The following CNOT1 variants were observed in gnomAD, a reference collection of about 807,000 sequenced individuals.
The protein encoded by CNOT1 is CCR4-NOT transcription complex subunit 1, also known as CCR4-associated factor 1.
In CNOT1, 15 loss-of-function variants were observed where a neutral mutation model predicts 273.8. The ratio of observed to expected loss-of-function variants is 0.05; its 90% confidence interval spans 0.04 to 0.08. The LOEUF is 0.08. CNOT1 is among the 10% of genes least tolerant of loss of function. CNOT1 has a pLI of 1.00. For synonymous variants in CNOT1, 1,022 were observed against 1,005.5 expected, an observed-to-expected ratio of 1.02 and a Z score of -0.31; for missense variants, 1,644 against 2,912.2, an observed-to-expected ratio of 0.56 and a Z score of 10.02.
At chr16:58,614,696 G>A (rs2043015102) in intron 1 of CNOT1, among the ~76,000 whole-genome samples, 1 of 125,172 alleles carries the variant, frequency 8.0e-6, no homozygotes. Context: ...CTTTGCTATA[G>A]AAAAACACTT....
intron 8 of CNOT1, among the ~76,000 whole-genome samples, chr16:58,585,050 A>G (rs1452813784): frequency 6.6e-6 from 1 of 152,192 alleles, no homozygotes; most frequent in Non-Finnish European, 1.5e-5. Flanking sequence ...AACTTGCTTC[A>G]ATGCTCTCTC....
chr16:58,612,787 A>G (rs986675621), intron 1 of CNOT1, among the ~76,000 whole-genome samples: 1 of 152,182 alleles, frequency 6.6e-6, no homozygotes, highest in Admixed American at 6.5e-5. Context: ...CCAAGAGGCA[A>G]AGATTCTAGA....
At chr16:58,554,938 A>AAG (rs72537186) in intron 21 of CNOT1, among the ~76,000 whole-genome samples, 4 of 146,618 alleles carry the variant, frequency 2.7e-5, no homozygotes, top group African/African-American at 1.0e-4. Context: ...TCCATCTCAA[A>AAG]AAAAAAAAAA....
At chr16:58,582,115 T>TCTCCAA (rs2041677866) in intron 10 of CNOT1, among the ~76,000 whole-genome samples, 1 of 54,694 alleles carries the variant, frequency 1.8e-5, no homozygotes, top group Non-Finnish European at 4.2e-5. Context: ...CTGTCTCTAC[T>TCTCCAA]AAAAATACAA....
chr16:58,608,441 G>A (rs764093770), intron 1 of CNOT1, among the ~76,000 whole-genome samples: 5 of 151,644 alleles, frequency 3.3e-5, no homozygotes, highest in Non-Finnish European at 7.4e-5. Flanking sequence ...TGTAATACCA[G>A]CTACTCGGGA....
intron 1 of CNOT1, among the ~76,000 whole-genome samples, chr16:58,603,473 G>T (rs1483110849): frequency 1.3e-5 from 2 of 148,526 alleles, no homozygotes; most frequent in Admixed American, 1.4e-4. Flanking sequence ...CTAAAACTCA[G>T]ATATGTCATC....
intron 16 of CNOT1, among the ~76,000 whole-genome samples, chr16:58,573,992 T>C (rs764193314): frequency 1.1e-4 from 16 of 152,044 alleles, no homozygotes; most frequent in Non-Finnish European, 2.4e-4. Flanking sequence ...GACTCACACC[T>C]GTAATCCCAG....
In CNOT1 at chr16:58,625,275, G is replaced by C. The variant is rs187675632; in HGVS notation, c.-175+4453C>G. Among the ~76,000 whole-genome samples, 90 of 152,236 alleles carry C rather than the reference G, an allele frequency of 5.9e-4. 1 individual carries two copies. Among genetic ancestry groups the C allele is most frequent in the Non-Finnish European group, 1.0e-3 (71 of 68,016 alleles). ...CGCCTGTAATCACAGCACTTTGGGA[G>C]GCCGAGGCAGGTGGATCACCTGAGG... On this transcript the variant is annotated intron_variant, in intron 1 of 48. Coordinates refer to ENST00000317147, the MANE Select transcript of CNOT1 (RefSeq NM_016284.5).
At chr16:58,525,110 A>C (rs2039543377) in intron 46 of CNOT1, 69 bp downstream of exon 46, 28 of 1,449,140 alleles carry the variant, frequency 1.9e-5, no homozygotes, top group Non-Finnish European at 2.6e-5. Flanking sequence ...GCATTTTTAC[A>C]TTTTTGTGAT....
intron 19 of CNOT1, 57 bp from the exon 20 acceptor site, chr16:58,555,965 T>A: frequency 6.3e-7 from 1 of 1,595,020 alleles, no homozygotes; most frequent in South Asian, 1.1e-5. Context: ...CACTTCCCCA[T>A]AAAACACAGC....
At chr16:58,556,068 A>C (rs368571941) in intron 19 of CNOT1, among the ~76,000 whole-genome samples, 160 bp from the exon 20 acceptor site, 14 of 152,234 alleles carry the variant, frequency 9.2e-5, no homozygotes, top group African/African-American at 2.7e-4. Flanking sequence ...AATGTGTGCT[A>C]GGGTAGACGT....
chr16:58,590,387 T>C (rs2042012395), intron 2 of CNOT1, among the ~76,000 whole-genome samples: 1 of 152,184 alleles, frequency 6.6e-6, no homozygotes, highest in Non-Finnish European at 1.5e-5. Flanking sequence ...TATTTCAGTT[T>C]CCCTTCTCTT....
chr16:58,593,151 G>A (rs937517445), intron 2 of CNOT1, among the ~76,000 whole-genome samples: 20 of 152,124 alleles, frequency 1.3e-4, no homozygotes, highest in African/African-American at 2.9e-4. Flanking sequence ...GGCCAGGCGC[G>A]GTGGCTGATG....
Position 58,574,748 on chromosome 16 carries a change from G to C in CNOT1, c.1840C>G (p.Gln614Glu), listed in dbSNP as rs758397152. 1.3e-6 allele frequency: 2 copies of C among 1,594,030 alleles called. No homozygotes were observed. Among genetic ancestry groups the C allele is most frequent in the Non-Finnish European group, 8.5e-7 (1 of 1,175,848 alleles). Residue 614 changes from glutamine (Q) to glutamate (E), a missense_variant, in exon 16 of 49, where the codon CAG (glutamine) becomes GAG (glutamate). By Grantham distance (29) the Gln-to-Glu change is conservative (BLOSUM62 2). Transcript: ENST00000317147. ...CTCTTTAAAAAAGTCATACACGCCT[G>C]GATAAAAGGCTCCTGAAGAATAGAA... Reference protein sequence around the residue: ...KIREHGEPFIQACMTFLKRRC... With the variant: ...KIREHGEPFIEACMTFLKRRC...
intron 2 of CNOT1, among the ~76,000 whole-genome samples, chr16:58,598,164 C>T (rs370536162): frequency 1.3e-5 from 2 of 151,644 alleles, no homozygotes; most frequent in Non-Finnish European, 2.9e-5. Flanking sequence ...TTTGGGAGGC[C>T]GAGGCAGGCA....
intron 18 of CNOT1, 73 bp downstream of exon 18, chr16:58,558,400 C>A: frequency 6.3e-7 from 1 of 1,590,494 alleles, no homozygotes; most frequent in Non-Finnish European, 8.6e-7. Context: ...GACTCCAAAC[C>A]CCTTACCAAA....
At chr16:58,536,924 AAT>A in intron 39 of CNOT1, 63 bp downstream of exon 39, 1 of 1,579,046 alleles carries the variant, frequency 6.3e-7, no homozygotes, top group Non-Finnish European at 8.6e-7. Flanking sequence ...ACTGAGCTTT[AAT>A]ATTGGAGGCA....
intron 39 of CNOT1, 77 bp from the exon 40 acceptor site, chr16:58,534,472 C>T: frequency 6.8e-7 from 1 of 1,465,034 alleles, no homozygotes; most frequent in Admixed American, 1.9e-5. Flanking sequence ...AATTTTCAGG[C>T]TTAAGAGATA....
rs10701404 is a variant in CNOT1, at chr16:58,522,555, A to AGTGT, written c.6917+811_6917+814dup. Among the ~76,000 whole-genome samples, 458 of 151,610 alleles carry AGTGT rather than the reference A, an allele frequency of 3.0e-3. 1 individual carries two copies. The highest frequency in any genetic ancestry group is 9.7e-3 in the African/African-American group (399 of 41,340). ...TTTAAGAGTCTGGCCCAATTTTTAA[A>AGTGT]GTGTGTGTGTGTGTGTATCACAATC... On this transcript the variant is annotated intron_variant, in intron 47 of 48. Coordinates refer to ENST00000317147, the MANE Select transcript of CNOT1 (RefSeq NM_016284.5).
Sources: allele counts gnomAD v4.1 joint callset (sites outside exome capture counted in the v4.1 genomes callset), GRCh38; gene constraint gnomAD v4.1.1; transcripts MANE v1.5; gene names NCBI Gene and HGNC (gene_info 2026-07-23, HGNC 2026-07-21).